LRP11: variants seen among roughly 807,000 people sequenced by gnomAD.
The protein encoded by LRP11 is LDL receptor related protein 11, also known as low-density lipoprotein receptor-related protein 11.
LRP11 carries 25 observed loss-of-function variants against 43.1 expected under a neutral mutation model. The observed-to-expected ratio is 0.58, with a 90% CI of 0.42 to 0.81. LRP11 has a LOEUF of 0.81. Among genes scored for constraint, LRP11 ranks in the 30% least tolerant of loss-of-function variants. The pLI, the probability that LRP11 is intolerant of heterozygous loss-of-function variation, is 0.00. For missense variants in LRP11, 623 were observed against 665.1 expected (o/e 0.94, Z 0.70); for synonymous variants, 316 against 299.4 (o/e 1.06, Z -0.57).
Position 149,836,291 on chromosome 6 carries a change from AG to A in LRP11, c.1045del (p.Leu349TrpfsTer6), listed in dbSNP as rs1776470752. ...SDEDFCQNLG[L>X]DRKMVTHTAA... ...CGTGTGGGTTACCATCTTGCGGTCC[AG>A]GCCCACTGAAGTGTGGAAGAGCTAC... On this transcript the variant is annotated frameshift_variant, in exon 5 of 7. Transcript: ENST00000239367. LOFTEE classifies it high-confidence loss of function. The A allele has an allele frequency of 6.2e-7, 1 of 1,614,024 alleles. No homozygotes were observed.
In LRP11 at chr6:149,819,040, T is replaced by C. The variant is rs958055695; in HGVS notation, c.*1509A>G. ...ATCTTAAGTTCATTCACAAAGTTAA[T>C]TTTTCTAAACTGCCCTTCAAAAATT... is the stretch of plus-strand genomic sequence containing the variant. On this transcript the variant is annotated 3_prime_UTR_variant, in exon 7 of 7. Transcript: ENST00000239367. 6.6e-6 allele frequency: 1 copy of C among 152,536 alleles called. No individual in the cohort carries two copies. 9.4% of individuals were successfully genotyped at this position (152,536 alleles called of 1,614,324 possible). A position where few individuals can be genotyped will look rare whatever the true frequency, so the allele number is the denominator to read the frequency against.
chr6:149,849,313 TGAA>T (rs1457067592), intron 2 of LRP11, among the ~76,000 whole-genome samples: 7 of 152,212 alleles, frequency 4.6e-5, no homozygotes, highest in Admixed American at 3.9e-4. Flanking sequence ...ATGGGTTGCC[TGAA>T]AAATATGTGT....
At chr6:149,850,128 C>T (rs554038627) in intron 2 of LRP11, among the ~76,000 whole-genome samples, 28 of 152,260 alleles carry the variant, frequency 1.8e-4, no homozygotes, top group Non-Finnish European at 8.8e-5. Flanking sequence ...GTGCTAGGGA[C>T]AGTCAAGGGA....
At chr6:149,856,909 C>T (rs1776807817) in intron 1 of LRP11, among the ~76,000 whole-genome samples, 1 of 152,102 alleles carries the variant, frequency 6.6e-6, no homozygotes, top group African/African-American at 2.4e-5. Flanking sequence ...GGGGAAGAGG[C>T]TCAGATACAT....
At position 149,863,862 on chromosome 6, in the gene LRP11, C is replaced by A; in HGVS notation, c.159G>T (p.Ser53=). The A allele has an allele frequency of 1.3e-6, 2 of 1,508,174 alleles. No individual in the cohort carries two copies. Among genetic ancestry groups the A allele is most frequent in the Non-Finnish European group, 8.8e-7 (1 of 1,137,554 alleles). 93.4% of individuals were successfully genotyped at this position (1,508,174 alleles called of 1,614,324 possible). ...APLSELHAQL[S]GVEQLLEEFR... ...ACTCCTCCAGCAGCTGCTCCACGCCCGACAGCTGCGCGTGCAGTTCGGACA... is the reference window on the plus strand; with the variant it reads ...ACTCCTCCAGCAGCTGCTCCACGCCAGACAGCTGCGCGTGCAGTTCGGACA... The change falls in exon 1 of 7, where the codon TCG becomes TCT. Residue 53 remains serine, a synonymous_variant. Transcript: ENST00000239367.
intron 6 of LRP11, among the ~76,000 whole-genome samples, chr6:149,825,416 A>G (rs908846902): frequency 6.6e-6 from 1 of 152,212 alleles, no homozygotes; most frequent in Non-Finnish European, 1.5e-5. Context: ...TAGGTATTCT[A>G]AGACCTTTAC....
chr6:149,821,805 G>T (rs1400444722), intron 6 of LRP11, among the ~76,000 whole-genome samples: 1 of 152,154 alleles, frequency 6.6e-6, no homozygotes, highest in East Asian at 1.9e-4. Flanking sequence ...CCTTTGTGTA[G>T]GCTCATTCTA....
At chr6:149,851,195 G>T (rs1046506261) in intron 2 of LRP11, among the ~76,000 whole-genome samples, 2 of 152,170 alleles carry the variant, frequency 1.3e-5, no homozygotes, top group Admixed American at 6.6e-5. Flanking sequence ...CCTCTTGAAG[G>T]CAAGAAAAAT....
intron 4 of LRP11, among the ~76,000 whole-genome samples, chr6:149,836,722 G>T (rs1352790736): frequency 6.6e-6 from 1 of 152,076 alleles, no homozygotes; most frequent in Non-Finnish European, 1.5e-5. Flanking sequence ...GCTGAGGTGG[G>T]AGAAACACCT....
At chr6:149,853,577 G>A (rs554742379) in intron 1 of LRP11, among the ~76,000 whole-genome samples, 3 of 152,202 alleles carry the variant, frequency 2.0e-5, no homozygotes, top group East Asian at 1.9e-4. Flanking sequence ...GTGCAGCCTC[G>A]GCTCACTGCA....
chr6:149,845,642 G>A (rs1776620643), intron 2 of LRP11, among the ~76,000 whole-genome samples: 1 of 152,200 alleles, frequency 6.6e-6, no homozygotes, highest in African/African-American at 2.4e-5. Context: ...CTTCCAAAGA[G>A]CCTGGAGTGG....
At position 149,863,449 on chromosome 6, in the gene LRP11, T is replaced by G; in HGVS notation, c.572A>C (p.Asp191Ala). 1 of 1,323,826 alleles carries G rather than the reference T, an allele frequency of 7.6e-7. No individual in the cohort carries two copies. Among genetic ancestry groups the G allele is most frequent in the Non-Finnish European group, 9.6e-7 (1 of 1,045,154 alleles). 82.0% of individuals were successfully genotyped at this position (1,323,826 alleles called of 1,614,324 possible). A position where few individuals can be genotyped will look rare whatever the true frequency, so the allele number is the denominator to read the frequency against. ...YSSYSLSRAPDGAALATARAS... is the reference protein window; with the variant it reads ...YSSYSLSRAPAGAALATARAS... ...GCGCGCGGTGGCCAGGGCGGCGCCG[T>G]CCGGCGCGCGGCTGAGGCTGTAGCT... is the stretch of plus-strand genomic sequence containing the variant. Residue 191 changes from aspartate to alanine, a missense_variant, in exon 1 of 7, where the codon GAC becomes GCC. Physicochemically the swap from Asp to Ala is moderately radical, Grantham distance 126. Coordinates refer to ENST00000239367, the MANE Select transcript of LRP11 (RefSeq NM_032832.6).
chr6:149,862,063 G>A (rs1776910571), intron 1 of LRP11, among the ~76,000 whole-genome samples: 1 of 152,188 alleles, frequency 6.6e-6, no homozygotes, highest in African/African-American at 2.4e-5. Context: ...AGATGCTGAT[G>A]GGGGGTCCAA....
At position 149,863,414 on chromosome 6, in the gene LRP11, G is replaced by C. The variant is rs761082756; in HGVS notation, c.607C>G (p.Arg203Gly). ...AALATARASPRQEKDAPPLSK... is the reference protein window; with the variant it reads ...AALATARASPGQEKDAPPLSK... ...CCCTCAGTCGCGCGCTTACCCTGCCGGGGCGAGGCGCGCGCGGTGGCCAGG... is the reference window on the plus strand; with the variant it reads ...CCCTCAGTCGCGCGCTTACCCTGCCCGGGCGAGGCGCGCGCGGTGGCCAGG... Residue 203 changes from arginine to glycine, a missense_variant, in exon 1 of 7, where the codon CGG becomes GGG. Transcript: ENST00000239367. 1.5e-4 allele frequency: 195 copies of C among 1,330,364 alleles called. No homozygotes were observed. The highest frequency in any genetic ancestry group is 1.8e-4 in the Non-Finnish European group (186 of 1,048,576). The allele number at this position is 1,330,364 out of a possible 1,614,324, so 82.4% of individuals were successfully genotyped here. A position where few individuals can be genotyped will look rare whatever the true frequency, so the allele number is the denominator to read the frequency against.
At chr6:149,834,681 T>C (rs1183669417) in intron 5 of LRP11, among the ~76,000 whole-genome samples, 1 of 152,124 alleles carries the variant, frequency 6.6e-6, no homozygotes, top group Non-Finnish European at 1.5e-5. Context: ...ATCCAAAGGC[T>C]TGCATGTAGT....
intron 5 of LRP11, among the ~76,000 whole-genome samples, chr6:149,831,844 G>A (rs1171354173): frequency 6.6e-6 from 1 of 152,122 alleles, no homozygotes; most frequent in South Asian, 2.1e-4. Context: ...TGTAGTTTTT[G>A]TAGAGATGGG....
intron 3 of LRP11, 95 bp downstream of exon 3, chr6:149,842,888 G>C: frequency 7.0e-7 from 1 of 1,419,164 alleles, no homozygotes; most frequent in Admixed American, 1.9e-5. Context: ...AAATAAAATG[G>C]AAGAGCCCAT....
chr6:149,836,340 C>T (rs1181378441), intron 4 of LRP11, 43 bp from the exon 5 acceptor site: 2 of 1,564,680 alleles, frequency 1.3e-6, no homozygotes, highest in African/African-American at 2.7e-5. Context: ...GATTTCTTTT[C>T]TGAGCTTTAA....
chr6:149,823,528 C>A (rs529343648), intron 6 of LRP11, among the ~76,000 whole-genome samples: 2 of 152,090 alleles, frequency 1.3e-5, no homozygotes, highest in Admixed American at 6.5e-5. Context: ...ATTTGGGGGG[C>A]AGGTAGCTGA....
Sources: allele counts gnomAD v4.1 joint callset (sites outside exome capture counted in the v4.1 genomes callset), GRCh38; gene constraint gnomAD v4.1.1; transcripts MANE v1.5; gene names NCBI Gene and HGNC (gene_info 2026-07-23, HGNC 2026-07-21).